SP140: variants seen among roughly 807,000 people sequenced by gnomAD.
SP140 encodes SP140 nuclear body protein.
SP140 carries 81 observed loss-of-function variants against 125.0 expected under a neutral mutation model. The ratio of observed to expected loss-of-function variants is 0.65; its 90% CI spans 0.54 to 0.78. The LOEUF is 0.78. Among genes scored for constraint, SP140 ranks in the 30% least tolerant of loss-of-function variants. The pLI, the probability that SP140 is intolerant of heterozygous loss-of-function variation, is 0.00. For synonymous variants in SP140, 312 were observed against 354.0 expected, an observed-to-expected ratio of 0.88 and a Z score of 1.33; for missense variants, 858 against 1,037.0, an observed-to-expected ratio of 0.83 and a Z score of 2.37.
rs1163771237 is a variant in SP140, at chr2:230,229,456, C to CTTTTTT, written c.59+3577_59+3582dup. Among the ~76,000 whole-genome samples the CTTTTTT allele has an allele frequency of 7.1e-4, 41 of 57,604 alleles. 3 individuals carry two copies. The highest frequency in any genetic ancestry group is 1.4e-3 in the Admixed American group (7 of 4,928). The allele number at this position is 57,604 out of a possible 152,430, so 37.8% of individuals were successfully genotyped here. A position where few individuals can be genotyped will look rare whatever the true frequency, so the allele number is the denominator to read the frequency against. On this transcript the variant is annotated intron_variant, in intron 1 of 26. Coordinates refer to ENST00000392045, the MANE Select transcript of SP140 (RefSeq NM_007237.5). ...ATTTTTCCCTTTGCATGAAGAAATTCTTTTTTTTTTTTTTTTTTTTTTTTT... is the reference window on the plus strand; with the variant it reads ...ATTTTTCCCTTTGCATGAAGAAATTCTTTTTTTTTTTTTTTTTTTTTTTTTTTTTTT...
the SP140 span, among the ~76,000 whole-genome samples, chr2:230,190,327 T>C: frequency 4.3e-5 from 6 of 139,970 alleles, no homozygotes; most frequent in South Asian, 4.8e-4. Context: ...TTTTTCCATA[T>C]GTTTGTTGGC....
At chr2:230,219,828 G>T in intron 3 of SP140, 1 of 774,842 alleles carries the variant, frequency 1.3e-6, no homozygotes, top group Non-Finnish European at 1.6e-6. Context: ...TCTAAGAGCT[G>T]CAGTCACCAA....
downstream of SP140, among the ~76,000 whole-genome samples, chr2:230,313,455 G>A (rs1316701216): frequency 6.6e-6 from 1 of 152,230 alleles, no homozygotes; most frequent in Non-Finnish European, 1.5e-5. Flanking sequence ...CCCGTGGCCT[G>A]AGGCCAGCCC....
chr2:230,192,365 T>C, the SP140 span, among the ~76,000 whole-genome samples: 1 of 152,172 alleles, frequency 6.6e-6, no homozygotes, highest in Middle Eastern at 3.2e-3. Context: ...GCAGATGACA[T>C]GATTATATAC....
chr2:230,243,815 A>T lies in SP140; in HGVS notation c.571+4A>T, dbSNP rs1391134876. The T allele has an allele frequency of 6.2e-7, 1 of 1,607,060 alleles. No individual in the cohort carries two copies. Among genetic ancestry groups the T allele is most frequent in the African/African-American group, 1.3e-5 (1 of 74,848 alleles). ...TCCTCGCCAAGGTGTGAGCCAGGTA[A>T]GGAAGGAGTGACTTGCTCTCCCTGA... On this transcript the variant is annotated splice_donor_region_variant and intron_variant, in intron 5 of 26. Coordinates refer to ENST00000392045, the MANE Select transcript of SP140 (RefSeq NM_007237.5).
At chr2:230,228,437 C>G (rs1379144703) in intron 1 of SP140, among the ~76,000 whole-genome samples, 1 of 152,122 alleles carries the variant, frequency 6.6e-6, no homozygotes, top group African/African-American at 2.4e-5. Context: ...CAACTACACC[C>G]TTACTGATTT....
At chr2:230,217,779 C>A (rs565572304) in intron 3 of SP140, among the ~76,000 whole-genome samples, 5 of 152,308 alleles carry the variant, frequency 3.3e-5, no homozygotes, top group African/African-American at 1.2e-4. Context: ...AACAAGATGA[C>A]CTGGGCTACG....
the SP140 span, chr2:230,186,276 C>T: frequency 3.7e-6 from 3 of 806,538 alleles, no homozygotes; most frequent in Non-Finnish European, 6.0e-6. Flanking sequence ...TCCCCCCAGA[C>T]TCATAATACT....
At position 230,243,717 on chromosome 2, in the gene SP140, A is replaced by G; in HGVS notation, c.491-14A>G. On this transcript the variant is annotated splice_polypyrimidine_tract_variant and intron_variant, in intron 4 of 26. Transcript: ENST00000392045. Reference sequence around the variant, plus strand: ...TAAATCAAGACATCTAAGGGATTTCATTCCTTTCGGCAGAGAACAGCAATG... The same window carrying G: ...TAAATCAAGACATCTAAGGGATTTCGTTCCTTTCGGCAGAGAACAGCAATG... 2.5e-6 allele frequency: 4 copies of G among 1,602,810 alleles called. No homozygotes were observed. The highest frequency in any genetic ancestry group is 3.4e-6 in the Non-Finnish European group (4 of 1,170,564).
chr2:230,274,803 C>T (rs114144507), intron 15 of SP140, among the ~76,000 whole-genome samples: 2,135 of 151,656 alleles, frequency 0.014, 46 homozygotes, highest in African/African-American at 0.048. Context: ...TCCCTGTAAA[C>T]TTTGCTGTAC....
the SP140 span, among the ~76,000 whole-genome samples, chr2:230,190,396 T>C: frequency 2.0e-5 from 3 of 152,132 alleles, no homozygotes; most frequent in African/African-American, 7.2e-5. Context: ...CATTTTTTGA[T>C]GGAGTTGTTT....
At chr2:230,191,099 G>A in the SP140 span, among the ~76,000 whole-genome samples, 113,661 of 152,098 alleles carry the variant, frequency 0.75, 42,694 homozygotes, top group Admixed American at 0.82. Flanking sequence ...TGTGAAGAAT[G>A]TAGAGACAAT....
chr2:230,288,121 G>A, intron 18 of SP140, 155 bp downstream of exon 18: 1 of 687,088 alleles, frequency 1.5e-6, no homozygotes, highest in South Asian at 2.6e-5. Context: ...TTTCCAAAAT[G>A]TGTCAAGGAA....
intron 22 of SP140, among the ~76,000 whole-genome samples, chr2:230,298,471 C>A (rs2057970149): frequency 6.6e-6 from 1 of 152,166 alleles, no homozygotes; most frequent in South Asian, 2.1e-4. Context: ...AACTGAGGGA[C>A]TTTTCAATAA....
chr2:230,316,128 C>T (rs536663469), downstream of SP140, among the ~76,000 whole-genome samples: 82 of 152,276 alleles, frequency 5.4e-4, no homozygotes, highest in African/African-American at 1.9e-3. Flanking sequence ...TACATTCGTC[C>T]ACTGGATTGA....
At chr2:230,313,944 A>C (rs552554538), downstream of SP140, among the ~76,000 whole-genome samples, 1 of 152,344 alleles carries the variant, frequency 6.6e-6, no homozygotes, top group Non-Finnish European at 1.5e-5. Context: ...TAATGTCCTG[A>C]AAAGAGTAAA....
At chr2:230,239,008 C>A in intron 3 of SP140, 1 of 1,455,622 alleles carries the variant, frequency 6.9e-7, no homozygotes, top group Non-Finnish European at 9.0e-7. Context: ...GGCTTGACAC[C>A]CTGTGCTAAG....
chr2:230,231,699 C>T (rs2047269284), intron 1 of SP140, among the ~76,000 whole-genome samples: 1 of 151,994 alleles, frequency 6.6e-6, no homozygotes, highest in South Asian at 2.1e-4. Context: ...GAATTTCTCC[C>T]TCCACCCTTT....
chr2:230,217,075 G>C, intron 3 of SP140: 1 of 630,368 alleles, frequency 1.6e-6, no homozygotes. Flanking sequence ...GTGAAACTCT[G>C]TCTCTACTAA....
Sources: gnomAD v4.1 joint callset for allele counts (sites outside exome capture counted in the v4.1 genomes callset) on GRCh38, gnomAD v4.1.1 for gene constraint, MANE v1.5 for transcripts, NCBI Gene and HGNC (gene_info 2026-07-23, HGNC 2026-07-21) for gene names.